Variants in PVT1 observed in about 807,000 individuals in gnomAD.
PVT1 encodes the protein Pvt1 oncogene.
intron 2 of PVT1, among the ~76,000 whole-genome samples, chr8:127,837,242 GCCATGGGCTCGCCTT>G (rs1814919288): frequency 6.6e-6 from 1 of 152,162 alleles, no homozygotes; most frequent in African/African-American, 2.4e-5. Context: ...AAGAGAAGAG[GCCATGGGCTCGCCTT>G]CCATCCAGCT....
intron 4 of PVT1, among the ~76,000 whole-genome samples, chr8:128,043,773 TAC>T (rs112991135): frequency 0.14 from 19,700 of 140,610 alleles, 1,554 homozygotes; most frequent in Middle Eastern, 0.28. Flanking sequence ...AACTATTTCC[TAC>T]ACACACACAC....
chr8:128,085,409 G>C (rs1814243628), intron 5 of PVT1, among the ~76,000 whole-genome samples: 1 of 152,136 alleles, frequency 6.6e-6, no homozygotes. Context: ...ACTAAGTTTT[G>C]CAGTAAATAT....
At chr8:127,969,459 C>T (rs1413468082) in intron 3 of PVT1, among the ~76,000 whole-genome samples, 1 of 152,198 alleles carries the variant, frequency 6.6e-6, no homozygotes, top group Non-Finnish European at 1.5e-5. Context: ...CTGCTGGCCA[C>T]CACATATCAT....
intron 2 of PVT1, among the ~76,000 whole-genome samples, chr8:127,838,232 A>AATATCTGATTAT (rs1325896225): frequency 5.9e-5 from 9 of 152,242 alleles, no homozygotes; most frequent in African/African-American, 2.2e-4. Context: ...GTGTATATGT[A>AATATCTGATTAT]ATATCTGATT....
intron 4 of PVT1, among the ~76,000 whole-genome samples, chr8:128,008,485 A>T (rs1195993956): frequency 6.6e-6 from 1 of 152,236 alleles, no homozygotes; most frequent in East Asian, 1.9e-4. Flanking sequence ...TAGCTCCAGA[A>T]AGAACTGTCC....
At chr8:127,826,014 C>CTT (rs57575268) in intron 2 of PVT1, among the ~76,000 whole-genome samples, 39,895 of 89,386 alleles carry the variant, frequency 0.45, 10,169 homozygotes, top group African/African-American at 0.47. Context: ...CCATGCCCAG[C>CTT]TTTTTTTTTT....
chr8:127,957,420 A>G (rs565332738), intron 3 of PVT1, among the ~76,000 whole-genome samples: 2 of 152,170 alleles, frequency 1.3e-5, no homozygotes, highest in East Asian at 3.9e-4. Context: ...CACAAAAATT[A>G]GCTGAGTGTG....
chr8:127,855,133 G>A lies in PVT1; in HGVS notation n.373-35456G>A, dbSNP rs1328589875. On this transcript the variant is annotated intron_variant and non_coding_transcript_variant, in intron 2 of 10. Coordinates refer to ENST00000651587, the Ensembl canonical transcript of PVT1. ...CTCTCTGTCTCTCTTTCTCCCACGT[G>A]GCTGCTGGAATCTTCCCTAAGGACC... 2.0e-5 allele frequency: 8 copies of A among 398,544 alleles called. No homozygotes were observed. In the East Asian group the frequency reaches 2.8e-4, roughly 14 times the overall value. 24.7% of individuals were successfully genotyped at this position (398,544 alleles called of 1,614,324 possible). A position where few individuals can be genotyped will look rare whatever the true frequency, so the allele number is the denominator to read the frequency against.
intron 3 of PVT1, among the ~76,000 whole-genome samples, chr8:127,914,229 G>A (rs1036938891): frequency 2.5e-5 from 3 of 121,208 alleles, no homozygotes; most frequent in East Asian, 5.1e-4. Context: ...CTACTAGGAT[G>A]GCTGTAATTA....
At chr8:127,874,432 AGATCAGGGATGGTTGCAGCT>A (rs765169493) in intron 2 of PVT1, among the ~76,000 whole-genome samples, 3 of 152,200 alleles carry the variant, frequency 2.0e-5, no homozygotes, top group Non-Finnish European at 4.4e-5. Flanking sequence ...CCATGTCCAG[AGATCAGGGATGGTTGCAGCT>A]GAAGCTAAAA....
intron 4 of PVT1, among the ~76,000 whole-genome samples, chr8:128,041,252 G>T (rs1813532484): frequency 6.8e-6 from 1 of 148,018 alleles, no homozygotes. Flanking sequence ...TTGTGTGTGT[G>T]TTTGTGCATG....
intron 3 of PVT1, among the ~76,000 whole-genome samples, chr8:127,966,091 T>G (rs998634402): frequency 3.0e-4 from 46 of 152,002 alleles, no homozygotes; most frequent in Non-Finnish European, 2.5e-4. Context: ...TTACTTAGAG[T>G]CCCTATAAAT....
intron 3 of PVT1, among the ~76,000 whole-genome samples, chr8:127,951,471 G>A (rs561358836): frequency 1.1e-4 from 17 of 152,300 alleles, no homozygotes; most frequent in South Asian, 1.0e-3. Flanking sequence ...GGAAGACAGC[G>A]TCACAGCATG....
chr8:128,074,228 C>G (rs753835052), intron 5 of PVT1, among the ~76,000 whole-genome samples: 1 of 152,132 alleles, frequency 6.6e-6, no homozygotes, highest in Admixed American at 6.5e-5. Flanking sequence ...ATATCCCGAC[C>G]GGGCACAGTG....
intron 2 of PVT1, among the ~76,000 whole-genome samples, chr8:127,811,184 G>A (rs1342621553): frequency 6.6e-6 from 1 of 152,108 alleles, no homozygotes; most frequent in Non-Finnish European, 1.5e-5. Context: ...CTCCTCCCCT[G>A]GTCCCTTTTC....
At chr8:127,856,593 G>A (rs1387728285) in intron 2 of PVT1, among the ~76,000 whole-genome samples, 1 of 151,922 alleles carries the variant, frequency 6.6e-6, no homozygotes, top group East Asian at 1.9e-4. Context: ...CTCCTGCCTC[G>A]GCCTTCCAAA....
chr8:127,808,894 G>A (rs1288946250), intron 2 of PVT1, among the ~76,000 whole-genome samples: 1 of 151,806 alleles, frequency 6.6e-6, no homozygotes, highest in Non-Finnish European at 1.5e-5. Context: ...GCCAGGAGTG[G>A]TGGCAGGTGC....
chr8:127,944,552 C>G (rs907177669), intron 3 of PVT1, among the ~76,000 whole-genome samples: 23 of 118,996 alleles, frequency 1.9e-4, no homozygotes, highest in Non-Finnish European at 3.6e-4. Context: ...CACAGTTGTC[C>G]CATTTTTTTT....
rs551299847 is a variant in PVT1 at position 127,951,090 on chromosome 8, G to A, written n.783-38072G>A. 4.0e-4 allele frequency among the ~76,000 whole-genome samples: 61 copies of A among 152,268 alleles called. 1 individual carries two copies. Among genetic ancestry groups the A allele is most frequent in the Admixed American group, 3.7e-3 (57 of 15,296 alleles). On this transcript the variant is annotated intron_variant and non_coding_transcript_variant, in intron 3 of 10. Coordinates refer to ENST00000651587, the Ensembl canonical transcript of PVT1. ...TTTTTGTATTCTTAGTAGAGATGGG[G>A]TTTCACCATGTTGGCCAGACTGGTC...
Sources: gnomAD v4.1 joint callset for allele counts (sites outside exome capture counted in the v4.1 genomes callset) on GRCh38, gnomAD v4.1.1 for gene constraint, MANE v1.5 for transcripts, NCBI Gene and HGNC (gene_info 2026-07-23, HGNC 2026-07-21) for gene names.